Variants in CNTN4 observed in about 807,000 individuals in gnomAD.
The protein encoded by CNTN4 is contactin 4, also known as contactin-4.
A neutral mutation model predicts 122.5 loss-of-function variants in CNTN4; 77 were observed. The ratio of observed to expected loss-of-function variants is 0.63; its 90% CI spans 0.52 to 0.76. CNTN4 has a LOEUF of 0.76. CNTN4 is among the 30% of genes least tolerant of loss of function. The pLI, the probability that CNTN4 is intolerant of heterozygous loss-of-function variation, is 0.00. For synonymous variants in CNTN4, 512 were observed against 447.0 expected (o/e 1.15, Z -1.83); for missense variants, 1,256 against 1,259.1 (o/e 1.00, Z 0.04).
chr3:2,401,979 G>C (rs1001717217), intron 3 of CNTN4, among the ~76,000 whole-genome samples: 8 of 152,092 alleles, frequency 5.3e-5, no homozygotes, highest in Admixed American at 6.6e-5. Flanking sequence ...CTGCCCTTGG[G>C]GCTAAGAACA....
intron 6 of CNTN4, among the ~76,000 whole-genome samples, chr3:2,752,556 G>A (rs987222621): frequency 1.3e-5 from 2 of 152,000 alleles, no homozygotes; most frequent in African/African-American, 4.8e-5. Context: ...ATAGAGACAG[G>A]GTTTCACCGG....
chr3:2,277,225 G>A (rs1030106637), intron 2 of CNTN4, among the ~76,000 whole-genome samples: 3 of 152,092 alleles, frequency 2.0e-5, no homozygotes, highest in Non-Finnish European at 2.9e-5. Context: ...ATTTAAATAC[G>A]TAATTTAATT....
intron 10 of CNTN4, among the ~76,000 whole-genome samples, chr3:2,893,672 A>C (rs1423121388): frequency 6.6e-6 from 1 of 152,236 alleles, no homozygotes; most frequent in Non-Finnish European, 1.5e-5. Context: ...CATGAAAAAA[A>C]GAGTCATATC....
rs573961323 is a variant in CNTN4 at position 2,427,396 on chromosome 3, T to A, written c.-89+88163T>A. Among the ~76,000 whole-genome samples, 48 of 152,352 alleles carry A rather than the reference T, an allele frequency of 3.2e-4. No individual in the cohort carries two copies. The South Asian group carries it at 9.9e-3, about 32-fold the overall frequency. On this transcript the variant is annotated intron_variant, in intron 3 of 24. Transcript: ENST00000418658. ...GTTGAGCAGTTTTGAGTGAGTTTCT[T>A]AATCCTGAGTTCTAGTTTGATTGCA... is the stretch of plus-strand genomic sequence containing the variant.
intron 3 of CNTN4, among the ~76,000 whole-genome samples, chr3:2,367,764 C>T (rs1486635686): frequency 6.6e-6 from 1 of 152,082 alleles, no homozygotes; most frequent in Non-Finnish European, 1.5e-5. Context: ...GGATTACAGG[C>T]GTGAGCCATT....
rs9879347 is a variant in CNTN4 at position 2,394,840 on chromosome 3, A to G, written c.-89+55607A>G. ...CTCGCTCTGTCACCCAGACTGGAGTACAGTGGCGCAATCTCGACTGACTGC... is the reference window on the plus strand; with the variant it reads ...CTCGCTCTGTCACCCAGACTGGAGTGCAGTGGCGCAATCTCGACTGACTGC... On this transcript the variant is annotated intron_variant, in intron 3 of 24. Coordinates refer to ENST00000418658, the MANE Select transcript of CNTN4 (RefSeq NM_175607.3). Among the ~76,000 whole-genome samples the G allele has an allele frequency of 4.9e-3, 679 of 137,690 alleles. 9 individuals are homozygous for G. The highest frequency in any genetic ancestry group is 0.017 in the African/African-American group (624 of 37,144). 90.3% of individuals were successfully genotyped at this position (137,690 alleles called of 152,430 possible).
At chr3:2,608,682 C>T (rs533946822) in intron 4 of CNTN4, among the ~76,000 whole-genome samples, 3 of 151,292 alleles carry the variant, frequency 2.0e-5, no homozygotes, top group Admixed American at 6.6e-5. Context: ...GGGGTTTCAC[C>T]GTGTTGGCCA....
At chr3:2,601,752 A>G (rs531895544) in intron 4 of CNTN4, among the ~76,000 whole-genome samples, 89 of 152,024 alleles carry the variant, frequency 5.9e-4, no homozygotes, top group Non-Finnish European at 1.1e-3. Flanking sequence ...GAAAGTCAGC[A>G]TCATCCTGAT....
intron 2 of CNTN4, among the ~76,000 whole-genome samples, chr3:2,157,493 A>C (rs2035771473): frequency 1.3e-5 from 2 of 152,190 alleles, no homozygotes; most frequent in African/African-American, 4.8e-5. Context: ...TTAAGCTGTT[A>C]AAGGAAAATA....
chr3:2,850,201 G>A (rs2093526161), intron 7 of CNTN4, among the ~76,000 whole-genome samples: 1 of 152,006 alleles, frequency 6.6e-6, no homozygotes, highest in African/African-American at 2.4e-5. Flanking sequence ...TGTTGGCCAG[G>A]CTGGTCTCAA....
At chr3:2,964,179 C>T (rs528882461) in intron 13 of CNTN4, among the ~76,000 whole-genome samples, 50 of 152,198 alleles carry the variant, frequency 3.3e-4, no homozygotes, top group African/African-American at 1.2e-3. Context: ...GTGAGCTTTT[C>T]CTCTCAATTC....
At chr3:2,695,618 A>C (rs2085985699) in intron 4 of CNTN4, among the ~76,000 whole-genome samples, 2 of 152,296 alleles carry the variant, frequency 1.3e-5, no homozygotes, top group African/African-American at 4.8e-5. Context: ...GTTGTGGGGA[A>C]GGGATGTTAT....
At chr3:2,718,964 A>G (rs994506111) in intron 4 of CNTN4, among the ~76,000 whole-genome samples, 7 of 152,174 alleles carry the variant, frequency 4.6e-5, no homozygotes, top group African/African-American at 1.4e-4. Flanking sequence ...GCATGTACAT[A>G]TTAACTCCCC....
chr3:2,518,358 C>T (rs1038253444), intron 3 of CNTN4, among the ~76,000 whole-genome samples: 1 of 152,044 alleles, frequency 6.6e-6, no homozygotes, highest in East Asian at 1.9e-4. Flanking sequence ...TTTCGTAATA[C>T]ATGAATAATA....
chr3:2,760,165 A>G (rs1030752435), intron 6 of CNTN4, among the ~76,000 whole-genome samples: 7 of 152,180 alleles, frequency 4.6e-5, no homozygotes, highest in African/African-American at 1.7e-4. Context: ...TTTGAAGCAC[A>G]GAAGTTTTAA....
intron 3 of CNTN4, among the ~76,000 whole-genome samples, chr3:2,430,109 G>T (rs2048007040): frequency 6.6e-6 from 1 of 151,992 alleles, no homozygotes. Flanking sequence ...CCAGTGAGAT[G>T]AACCTGGTAC....
chr3:2,506,522 T>C (rs944143914), intron 3 of CNTN4, among the ~76,000 whole-genome samples: 1 of 152,234 alleles, frequency 6.6e-6, no homozygotes, highest in Non-Finnish European at 1.5e-5. Flanking sequence ...AAATTGATGG[T>C]GAGTTAGTAG....
intron 2 of CNTN4, among the ~76,000 whole-genome samples, chr3:2,186,447 T>G (rs1005162227): frequency 3.3e-5 from 5 of 152,182 alleles, no homozygotes; most frequent in Admixed American, 6.6e-5. Flanking sequence ...TATATACCCA[T>G]TAATGGGATG....
At chr3:2,169,755 C>T (rs1201643534) in intron 2 of CNTN4, among the ~76,000 whole-genome samples, 2 of 152,070 alleles carry the variant, frequency 1.3e-5, no homozygotes, top group African/African-American at 4.8e-5. Context: ...TAACAATTCA[C>T]TGTAAACAGT....
Sources: gnomAD v4.1 joint callset for allele counts (sites outside exome capture counted in the v4.1 genomes callset) on GRCh38, gnomAD v4.1.1 for gene constraint, MANE v1.5 for transcripts, NCBI Gene and HGNC (gene_info 2026-07-23, HGNC 2026-07-21) for gene names.